The following SHROOM3 variants were observed in gnomAD, a reference collection of about 807,000 sequenced individuals.
SHROOM3 encodes protein Shroom3.
A neutral mutation model predicts 138.6 loss-of-function variants in SHROOM3; 47 were observed. The ratio of observed to expected loss-of-function variants is 0.34; its 90% CI spans 0.27 to 0.43. The LOEUF is 0.43. Ranked by LOEUF, SHROOM3 falls within the 20% of genes least tolerant of loss-of-function variation. The pLI is 1.00. For synonymous variants in SHROOM3, 1,062 were observed against 1,063.3 expected, an observed-to-expected ratio of 1.00 and a Z score of 0.02; for missense variants, 2,491 against 2,596.5, an observed-to-expected ratio of 0.96 and a Z score of 0.88.
rs897749676 is a variant in SHROOM3, at chr4:76,552,097, G to T, written c.169-3512G>T. 1.9e-3 allele frequency among the ~76,000 whole-genome samples: 279 copies of T among 150,092 alleles called. 1 individual carries two copies. The highest frequency in any genetic ancestry group is 2.6e-3 in the Non-Finnish European group (179 of 67,556). On this transcript the variant is annotated intron_variant, in intron 1 of 10. Transcript: ENST00000296043. ...AGGATGGACTCGATCTCCTGACCTT[G>T]TGATCCGCCCGCCTCGGCCCCCCTA...
intron 1 of SHROOM3, among the ~76,000 whole-genome samples, chr4:76,537,005 C>T (rs548770491): frequency 3.9e-4 from 60 of 152,088 alleles, no homozygotes; most frequent in African/African-American, 1.4e-3. Context: ...CCCAGCTACT[C>T]GGGAGGCTGA....
At chr4:76,586,527 CAGAA>C in intron 2 of SHROOM3, 1 of 953,832 alleles carries the variant, frequency 1.0e-6, no homozygotes, top group Non-Finnish European at 1.2e-6. Flanking sequence ...TCGATGTTGG[CAGAA>C]ATGCCAGCAT....
chr4:76,616,553 T>C (rs992696114), intron 2 of SHROOM3, among the ~76,000 whole-genome samples: 5 of 152,346 alleles, frequency 3.3e-5, no homozygotes, highest in South Asian at 2.1e-4. Flanking sequence ...GAGGATGTTA[T>C]ACTAAGTGAA....
At chr4:76,766,627 T>C (rs1183968964) in intron 9 of SHROOM3, among the ~76,000 whole-genome samples, 3 of 152,238 alleles carry the variant, frequency 2.0e-5, no homozygotes, top group African/African-American at 7.2e-5. Flanking sequence ...GGTGAGTTAT[T>C]CTGGTAGACA....
intron 1 of SHROOM3, among the ~76,000 whole-genome samples, chr4:76,453,268 TC>T (rs1486077087): frequency 6.7e-6 from 1 of 149,568 alleles, no homozygotes; most frequent in African/African-American, 2.5e-5. Flanking sequence ...TTAATTTTTC[TC>T]TAATTAATTT....
chr4:76,644,332 A>G (rs1577947458), intron 2 of SHROOM3: 1 of 144,184 alleles, frequency 6.9e-6, no homozygotes, highest in East Asian at 2.1e-4. Context: ...GCTTACCACA[A>G]CCTCTCTCCC....
At chr4:76,458,312 A>G (rs1158892759) in intron 1 of SHROOM3, among the ~76,000 whole-genome samples, 2 of 152,238 alleles carry the variant, frequency 1.3e-5, no homozygotes, top group Non-Finnish European at 2.9e-5. Context: ...ATATGTATAT[A>G]AAAGTATTAA....
At chr4:76,581,663 C>T (rs1734056305) in intron 2 of SHROOM3, among the ~76,000 whole-genome samples, 1 of 152,206 alleles carries the variant, frequency 6.6e-6, no homozygotes, top group Non-Finnish European at 1.5e-5. Context: ...AAGGATCTGA[C>T]TCTTTCAGAC....
intron 3 of SHROOM3, among the ~76,000 whole-genome samples, chr4:76,718,179 C>T (rs1720431543): frequency 1.3e-5 from 2 of 152,168 alleles, no homozygotes; most frequent in Non-Finnish European, 1.5e-5. Flanking sequence ...CAAATTTGCT[C>T]ATCTATATAT....
intron 2 of SHROOM3, among the ~76,000 whole-genome samples, chr4:76,595,084 AC>A (rs1207153539): frequency 6.6e-6 from 1 of 152,116 alleles, no homozygotes; most frequent in Non-Finnish European, 1.5e-5. Context: ...ATATTTCTGA[AC>A]CTCATTTACT....
chr4:76,754,964 T>C lies in SHROOM3; in HGVS notation c.4481T>C (p.Leu1494Pro). ...TCCCTCCGAATATCTGAGTCTGTCC[T>C]GCGGGACTCCCCGCCACCTCATGAG... ...RISLRISESVLRDSPPPHEDY... is the reference protein window; with the variant it reads ...RISLRISESVPRDSPPPHEDY... Residue 1494 changes from leucine (L) to proline (P), a missense_variant, in exon 7 of 11, where the codon CTG becomes CCG. This residue lies in a region of SHROOM3 where 1,733 missense variants were observed against 1,661.6 expected (regional missense o/e 1.04). Transcript: ENST00000296043. 2 of 1,614,182 alleles carry C rather than the reference T, an allele frequency of 1.2e-6. No homozygotes were observed. Among genetic ancestry groups the C allele is most frequent in the Non-Finnish European group, 1.7e-6 (2 of 1,180,012 alleles).
intron 7 of SHROOM3, 49 bp from the exon 8 acceptor site, chr4:76,756,400 T>G: frequency 6.5e-7 from 1 of 1,538,132 alleles, no homozygotes; most frequent in Non-Finnish European, 8.8e-7. Context: ...CTTATCACTC[T>G]CTCTTTCTCT....
intron 4 of SHROOM3, among the ~76,000 whole-genome samples, chr4:76,736,662 G>A (rs745430607): frequency 6.6e-6 from 1 of 152,300 alleles, no homozygotes; most frequent in East Asian, 1.9e-4. Flanking sequence ...AGAACTTCTA[G>A]TGATTTACCC....
intron 1 of SHROOM3, among the ~76,000 whole-genome samples, chr4:76,456,489 C>T (rs1251999060): frequency 6.6e-6 from 1 of 152,070 alleles, no homozygotes; most frequent in Non-Finnish European, 1.5e-5. Context: ...TTGGTTGAAT[C>T]CATGGATGCA....
chr4:76,690,075 T>C (rs1719475639), intron 2 of SHROOM3, among the ~76,000 whole-genome samples: 2 of 152,248 alleles, frequency 1.3e-5, no homozygotes, highest in Admixed American at 6.5e-5. Context: ...TTAATTTTAC[T>C]GGATTTGTTT....
intron 1 of SHROOM3, among the ~76,000 whole-genome samples, chr4:76,501,431 C>A (rs757470482): frequency 3.0e-4 from 46 of 152,116 alleles, no homozygotes; most frequent in Non-Finnish European, 6.0e-4. Flanking sequence ...GCTAGGAGAA[C>A]CTTTTGTTCT....
chr4:76,769,046 A>C (rs1230049131), intron 9 of SHROOM3, among the ~76,000 whole-genome samples: 1 of 152,170 alleles, frequency 6.6e-6, no homozygotes, highest in Non-Finnish European at 1.5e-5. Context: ...GCTGATACTG[A>C]AATAGTACAA....
chr4:76,496,621 G>T (rs369908698), intron 1 of SHROOM3, among the ~76,000 whole-genome samples: 1 of 152,038 alleles, frequency 6.6e-6, no homozygotes, highest in Non-Finnish European at 1.5e-5. Context: ...TATGTATTTC[G>T]ACTTGCTGTC....
At chr4:76,717,344 A>G (rs1160478299) in intron 3 of SHROOM3, among the ~76,000 whole-genome samples, 3 of 152,032 alleles carry the variant, frequency 2.0e-5, no homozygotes, top group Non-Finnish European at 2.9e-5. Context: ...ATCTTGCTTC[A>G]TGTTCTTGGA....
Sources: allele counts gnomAD v4.1 joint callset (sites outside exome capture counted in the v4.1 genomes callset), GRCh38; gene constraint gnomAD v4.1.1; regional missense constraint gnomAD v4.1.1; transcripts MANE v1.5; gene names NCBI Gene and HGNC (gene_info 2026-07-23, HGNC 2026-07-21).